The following CNFN variants were observed in gnomAD, a reference collection of about 807,000 sequenced individuals.
CNFN encodes cornifelin.
In CNFN, 10 loss-of-function variants were observed where a neutral mutation model predicts 14.9. The ratio of observed to expected loss-of-function variants is 0.67; its 90% CI spans 0.41 to 1.14. The LOEUF (loss-of-function observed/expected upper bound fraction) is 1.14, where lower values mean the gene tolerates loss of function less well. Among genes scored for constraint, CNFN ranks in the 50% most tolerant of loss-of-function variants. The pLI is 0.00. For synonymous variants in CNFN, 66 were observed against 60.0 expected, an observed-to-expected ratio of 1.10 and a Z score of -0.46; for missense variants, 165 against 152.8, an observed-to-expected ratio of 1.08 and a Z score of -0.42.
intron 3 of CNFN, 40 bp downstream of exon 3, chr19:42,387,300 C>G (rs746137535): frequency 9.7e-5 from 155 of 1,603,432 alleles, no homozygotes; most frequent in Non-Finnish European, 1.3e-4. Flanking sequence ...AGGCCAGTCC[C>G]CAGCTCCCTG....
intron 1 of CNFN, 54 bp from the exon 2 acceptor site, chr19:42,389,093 C>A: frequency 1.5e-6 from 2 of 1,356,052 alleles, no homozygotes; most frequent in Non-Finnish European, 2.1e-6. Context: ...ATCTCCTGGG[C>A]CCCGCACTTC....
intron 1 of CNFN, chr19:42,389,358 T>C (rs2039880835): frequency 2.5e-6 from 2 of 790,208 alleles, no homozygotes; most frequent in Non-Finnish European, 3.8e-6. Context: ...GCCTGGGTTC[T>C]GGGTTGCAGC....
At chr19:42,388,802 A>G in intron 2 of CNFN, 124 bp downstream of exon 2, 1 of 656,384 alleles carries the variant, frequency 1.5e-6, no homozygotes, top group Non-Finnish European at 2.7e-6. Context: ...TTCCAAGTCC[A>G]GGGAAGGGAG....
chr19:42,390,179 G>A (rs2039887688), intron 1 of CNFN, 61 bp downstream of exon 1: 1 of 154,586 alleles, frequency 6.5e-6, no homozygotes, highest in African/African-American at 2.4e-5. Flanking sequence ...ATGAGGAGGA[G>A]GGAGAACAGA....
In CNFN at chr19:42,388,952, G is replaced by C; in HGVS notation, c.86C>G (p.Thr29Arg). The C allele has an allele frequency of 6.2e-7, 1 of 1,613,678 alleles. No homozygotes were observed. The highest frequency in any genetic ancestry group is 8.5e-7 in the Non-Finnish European group (1 of 1,179,906). The change falls in exon 2 of 4, where the codon ACG becomes AGG. Residue 29 changes from threonine to arginine, a missense_variant. Coordinates refer to ENST00000222032, the MANE Select transcript of CNFN (RefSeq NM_032488.4). ...TQLSDWHTGL[T>R]DCCNDMPVCL... ...GACAGGCATGTCGTTGCAGCAGTCC[G>C]TGAGACCTGTGTGCCAGTCACTGAG... is the stretch of plus-strand genomic sequence containing the variant.
intron 2 of CNFN, 97 bp from the exon 3 acceptor site, chr19:42,387,573 T>G: frequency 1.2e-6 from 1 of 864,906 alleles, no homozygotes; most frequent in Middle Eastern, 3.5e-4. Context: ...GGAGGGGCAT[T>G]GAGGGTCCCA....
chr19:42,387,386 C>T lies in CNFN; in HGVS notation c.203G>A (p.Gly68Asp), dbSNP rs1290620574. The T allele has an allele frequency of 6.2e-7, 1 of 1,600,862 alleles. No individual in the cohort carries two copies. Among genetic ancestry groups the T allele is most frequent in the Non-Finnish European group, 8.5e-7 (1 of 1,175,204 alleles). ...CATGCCGGTGCGGATGGAGTGCAGG[C>T]CTCCGGGCAGGTAGGGCGCGCAGCA... ...ECCCAPYLPG[G>D]LHSIRTGMRE... is the part of the protein sequence containing the mutation. The change falls in exon 3 of 4, where the codon GGC becomes GAC. Residue 68 changes from glycine (G) to aspartate (D), a missense_variant. Physicochemically the swap from Gly to Asp is moderately conservative, Grantham distance 94. Coordinates refer to ENST00000222032, the MANE Select transcript of CNFN (RefSeq NM_032488.4).
chr19:42,389,463 G>A (rs1257884706), intron 1 of CNFN: 3 of 1,291,904 alleles, frequency 2.3e-6, no homozygotes, highest in Admixed American at 2.3e-5. Context: ...TACTGAGAGG[G>A]TTGCTGGTCC....
chr19:42,388,183 G>A (rs2039870323), intron 2 of CNFN, among the ~76,000 whole-genome samples: 2 of 151,558 alleles, frequency 1.3e-5, no homozygotes, highest in South Asian at 4.2e-4. Context: ...CACCACCTCG[G>A]GCTAATTTTA....
rs767227702 is a variant in CNFN, at chr19:42,387,362, A to G, written c.227T>C (p.Met76Thr). The G allele has an allele frequency of 1.3e-6, 2 of 1,598,258 alleles. No individual in the cohort carries two copies. Among genetic ancestry groups the G allele is most frequent in the African/African-American group, 2.7e-5 (2 of 74,606 alleles). ...CACCTGGATGTGGTAGCGCTCCCGC[A>G]TGCCGGTGCGGATGGAGTGCAGGCC... ...PGGLHSIRTG[M>T]RERYHIQGSV... Residue 76 changes from methionine (M) to threonine (T), a missense_variant, in exon 3 of 4, where the codon ATG (methionine) becomes ACG (threonine). Transcript: ENST00000222032.
rs1449836625 is a variant in CNFN, at chr19:42,389,138, G to C, written c.-2-99C>G. ...TCCCTGTGCCGGGCAGTCTGGGCGG[G>C]GCCGCCAGGCCGCCCACTGAAGGGA... On this transcript the variant is annotated intron_variant, in intron 1 of 3. Coordinates refer to ENST00000222032, the MANE Select transcript of CNFN (RefSeq NM_032488.4). The C allele has an allele frequency of 1.4e-4, 116 of 823,848 alleles. No homozygotes were observed. In the Admixed American group the frequency reaches 2.8e-3, roughly 20 times the overall value. The allele number at this position is 823,848 out of a possible 1,614,324, so 51.0% of individuals were successfully genotyped here.
At chr19:42,389,603 G>A in intron 1 of CNFN, 14 of 1,179,270 alleles carry the variant, frequency 1.2e-5, no homozygotes, top group South Asian at 6.4e-5. Flanking sequence ...TCCAAGGGAC[G>A]CTGGATACTG....
At chr19:42,388,754 T>C (rs989808618) in intron 2 of CNFN, among the ~76,000 whole-genome samples, 172 bp downstream of exon 2, 2 of 151,964 alleles carry the variant, frequency 1.3e-5, no homozygotes, top group Non-Finnish European at 2.9e-5. Context: ...CTAAGGAGTG[T>C]TGGGGGTCTG....
chr19:42,387,501 G>C, intron 2 of CNFN, 25 bp from the exon 3 acceptor site: 1 of 1,529,406 alleles, frequency 6.5e-7, no homozygotes, highest in Non-Finnish European at 8.8e-7. Context: ...GGCGCTCAGG[G>C]GCGGGGCCAG....
intron 1 of CNFN, 95 bp from the exon 2 acceptor site, chr19:42,389,134 G>C: frequency 3.2e-6 from 3 of 950,248 alleles, no homozygotes; most frequent in Non-Finnish European, 4.8e-6. Flanking sequence ...GGCAGTCTGG[G>C]CGGGGCCGCC....
chr19:42,388,240 C>A (rs1002347447), intron 2 of CNFN, among the ~76,000 whole-genome samples: 1 of 152,000 alleles, frequency 6.6e-6, no homozygotes, highest in Non-Finnish European at 1.5e-5. Context: ...GTTGCCCAGA[C>A]TGGAGTGCAG....
At position 42,387,261 on chromosome 19, in the gene CNFN, C is replaced by A. The variant is rs1040137154; in HGVS notation, c.250-19G>T. The A allele has an allele frequency of 2.5e-6, 4 of 1,611,224 alleles. No homozygotes were observed. The highest frequency in any genetic ancestry group is 1.1e-5 in the South Asian group (1 of 90,946). ...CGGAGCCCTAGAGGGTAGGAGAGAGCGGTCAGGAGCCCCGCGGTGGGTCCC... is the reference window on the plus strand; with the variant it reads ...CGGAGCCCTAGAGGGTAGGAGAGAGAGGTCAGGAGCCCCGCGGTGGGTCCC... On this transcript the variant is annotated intron_variant, in intron 3 of 3. Coordinates refer to ENST00000222032, the MANE Select transcript of CNFN (RefSeq NM_032488.4).
At chr19:42,389,450 C>T (rs780551210) in intron 1 of CNFN, 3 of 1,291,690 alleles carry the variant, frequency 2.3e-6, no homozygotes, top group South Asian at 2.5e-5. Context: ...GGCCAGGTTC[C>T]AGTACTGAGA....
chr19:42,390,062 G>A (rs1246870055), intron 1 of CNFN, among the ~76,000 whole-genome samples, 178 bp downstream of exon 1: 1 of 152,214 alleles, frequency 6.6e-6, no homozygotes. Context: ...ATTCAGCTCA[G>A]CACACCCCAG....
Sources: gnomAD v4.1 joint callset for allele counts (sites outside exome capture counted in the v4.1 genomes callset) on GRCh38, gnomAD v4.1.1 for gene constraint, MANE v1.5 for transcripts, NCBI Gene and HGNC (gene_info 2026-07-23, HGNC 2026-07-21) for gene names.